Variants in BIRC6 observed in about 807,000 individuals in gnomAD.
BIRC6 encodes the protein dual E2 ubiquitin-conjugating enzyme/E3 ubiquitin-protein ligase BIRC6.
BIRC6 carries 98 observed loss-of-function variants against 503.3 expected under a neutral mutation model. The ratio of observed to expected loss-of-function variants is 0.19; its 90% confidence interval spans 0.17 to 0.23. The LOEUF (loss-of-function observed/expected upper bound fraction) is 0.23, where lower values mean the gene tolerates loss of function less well. Ranked by LOEUF, BIRC6 falls within the 10% of genes least tolerant of loss-of-function variation. The pLI, the probability that BIRC6 is intolerant of heterozygous loss-of-function variation, is 1.00. For missense variants in BIRC6, 5,360 were observed against 5,806.0 expected (o/e 0.92, Z 2.50); for synonymous variants, 2,240 against 2,078.7 (o/e 1.08, Z -2.11).
At chr2:32,589,146 G>T (rs943787096) in intron 66 of BIRC6, among the ~76,000 whole-genome samples, 16 of 152,206 alleles carry the variant, frequency 1.1e-4, no homozygotes, top group Middle Eastern at 3.4e-3. Context: ...ATTTGAGAGA[G>T]AAACTTATTG....
At chr2:32,471,153 T>TA in intron 32 of BIRC6, 29 bp downstream of exon 32, 1 of 1,549,544 alleles carries the variant, frequency 6.5e-7, no homozygotes. Flanking sequence ...TTCTGACAGG[T>TA]ATCAGAAGTT....
chr2:32,500,117 T>A lies in BIRC6; in HGVS notation c.9031+8T>A, dbSNP rs2052970359. ...CCATGGCAATGATAATTGGTATGTA[T>A]TGAGAATATTAATCTTACCATTGTC... On this transcript the variant is annotated splice_region_variant and intron_variant, in intron 46 of 73. Coordinates refer to ENST00000421745, the MANE Select transcript of BIRC6 (RefSeq NM_016252.4). 6.3e-7 allele frequency: 1 copy of A among 1,582,714 alleles called. No homozygotes were observed. The highest frequency in any genetic ancestry group is 8.6e-7 in the Non-Finnish European group (1 of 1,162,964).
chr2:32,383,082 T>C (rs1326985823), intron 3 of BIRC6, among the ~76,000 whole-genome samples: 2 of 152,014 alleles, frequency 1.3e-5, no homozygotes, highest in Admixed American at 1.3e-4. Flanking sequence ...AGTCTGTCTC[T>C]GTCACCCAGG....
intron 4 of BIRC6, 128 bp downstream of exon 4, chr2:32,389,071 T>A (rs536266207): frequency 9.3e-5 from 59 of 636,946 alleles, no homozygotes; most frequent in African/African-American, 6.8e-4. Flanking sequence ...ATTTTGAAAT[T>A]AAAAAAAAAT....
intron 25 of BIRC6, 53 bp from the exon 26 acceptor site, chr2:32,465,012 G>T: frequency 7.5e-7 from 1 of 1,334,680 alleles, no homozygotes; most frequent in South Asian, 1.4e-5. Context: ...AGTTTTTATA[G>T]AACTATAGTA....
Position 32,357,263 on chromosome 2 carries a change from G to C in BIRC6, c.102G>C (p.Ala34=), listed in dbSNP as rs1274939779. 1 of 1,521,338 alleles carries C rather than the reference G, an allele frequency of 6.6e-7. No homozygotes were observed. Among genetic ancestry groups the C allele is most frequent in the Admixed American group, 2.1e-5 (1 of 46,666 alleles). The allele number at this position is 1,521,338 out of a possible 1,614,324, so 94.2% of individuals were successfully genotyped here. A position where few individuals can be genotyped will look rare whatever the true frequency, so the allele number is the denominator to read the frequency against. Residue 34 remains alanine (A), a synonymous_variant, in exon 1 of 74, where the codon GCG becomes GCC. Transcript: ENST00000421745. This position sits in a 1 kb window ranked among gnomAD's most constrained non-coding sequence, Gnocchi z 4.9. ...GCCGGAAGATGGCGGCTGCGGCTGCGGCGGCCTCGGGCCCCGGCTGCTCCT... is the reference window on the plus strand; with the variant it reads ...GCCGGAAGATGGCGGCTGCGGCTGCCGCGGCCTCGGGCCCCGGCTGCTCCT... The part of the protein sequence containing the change: ...SAGRKMAAAA[A]AASGPGCSSA...
intron 20 of BIRC6, among the ~76,000 whole-genome samples, chr2:32,444,298 A>G (rs2045734505): frequency 6.6e-6 from 1 of 152,150 alleles, no homozygotes; most frequent in Non-Finnish European, 1.5e-5. Flanking sequence ...GAGGTGATGG[A>G]TATCCTAAAT....
At chr2:32,420,477 G>C (rs906164298) in intron 10 of BIRC6, among the ~76,000 whole-genome samples, 4 of 151,832 alleles carry the variant, frequency 2.6e-5, no homozygotes, top group African/African-American at 7.3e-5. Flanking sequence ...AAGTTTTAGC[G>C]TAAAGAATTT....
intron 64 of BIRC6, 177 bp from the exon 65 acceptor site, chr2:32,549,136 A>G (rs955629602): frequency 6.8e-6 from 3 of 438,308 alleles, no homozygotes; most frequent in South Asian, 9.8e-5. Context: ...ACACTCTCAG[A>G]CAAAACAGAT....
At chr2:32,359,804 A>G (rs1423447297) in intron 1 of BIRC6, among the ~76,000 whole-genome samples, 1 of 152,078 alleles carries the variant, frequency 6.6e-6, no homozygotes, top group African/African-American at 2.4e-5. Flanking sequence ...TCCGGCCTCA[A>G]ATGATCCTCC....
chr2:32,598,423 G>A (rs764792451), intron 69 of BIRC6, among the ~76,000 whole-genome samples: 7 of 151,932 alleles, frequency 4.6e-5, no homozygotes, highest in Admixed American at 6.6e-5. Context: ...ATGTTTTTTA[G>A]TGTCACTCTT....
At chr2:32,503,327 G>A (rs1263883222) in intron 49 of BIRC6, 91 bp downstream of exon 49, 1 of 1,020,382 alleles carries the variant, frequency 9.8e-7, no homozygotes, top group African/African-American at 1.6e-5. Flanking sequence ...AGTTGATGAT[G>A]TTATATATCA....
In BIRC6 at chr2:32,603,084, G is replaced by A; in HGVS notation, c.14070+1G>A. 2 of 1,606,228 alleles carry A rather than the reference G, an allele frequency of 1.2e-6. No homozygotes were observed. Among genetic ancestry groups the A allele is most frequent in the East Asian group, 2.2e-5 (1 of 44,636 alleles). On this transcript the variant is annotated splice_donor_variant, in intron 71 of 73. Transcript: ENST00000421745. LOFTEE classifies it high-confidence loss of function. ...TCCTCAGACCTCAAGCTTTTTGCAA[G>A]TAAACAAAATTTCTCTGACATTTTC...
intron 1 of BIRC6, among the ~76,000 whole-genome samples, chr2:32,358,396 A>C (rs2033526140): frequency 6.6e-6 from 1 of 152,174 alleles, no homozygotes; most frequent in South Asian, 2.1e-4. Flanking sequence ...GTGTATGCTC[A>C]GTGGACGGAC....
At chr2:32,467,464 T>C in intron 26 of BIRC6, 61 bp from the exon 27 acceptor site, 1 of 1,284,472 alleles carries the variant, frequency 7.8e-7, no homozygotes. Flanking sequence ...AAATTATTTT[T>C]GAGTGTATCA....
chr2:32,581,881 G>C (rs1007001673), intron 66 of BIRC6, among the ~76,000 whole-genome samples: 6 of 152,080 alleles, frequency 3.9e-5, no homozygotes, highest in Non-Finnish European at 8.8e-5. Context: ...TATTTATTTT[G>C]AGACGGAGTC....
chr2:32,492,689 G>A (rs760314494), intron 44 of BIRC6, among the ~76,000 whole-genome samples: 3 of 152,050 alleles, frequency 2.0e-5, no homozygotes, highest in Non-Finnish European at 2.9e-5. Context: ...TAAAAGAAAG[G>A]AGGAAATAAC....
chr2:32,395,694 GC>G, intron 6 of BIRC6, 101 bp downstream of exon 6: 1 of 975,332 alleles, frequency 1.0e-6, no homozygotes, highest in Non-Finnish European at 1.6e-6. Flanking sequence ...TTGCCTTTTT[GC>G]CACCTATATT....
chr2:32,475,780 A>G (rs1043125334), intron 33 of BIRC6, among the ~76,000 whole-genome samples: 1 of 152,166 alleles, frequency 6.6e-6, no homozygotes, highest in African/African-American at 2.4e-5. Flanking sequence ...AAAAACTACA[A>G]TGATCTCAAT....
Sources: gnomAD v4.1 joint callset for allele counts (sites outside exome capture counted in the v4.1 genomes callset) on GRCh38, gnomAD v4.1.1 for gene constraint, Gnocchi (gnomAD v3.1) non-coding constraint, MANE v1.5 for transcripts, NCBI Gene and HGNC (gene_info 2026-07-23, HGNC 2026-07-21) for gene names.